The following DTNB variants were observed in gnomAD, a reference collection of about 807,000 sequenced individuals.
DTNB encodes dystrobrevin beta, also known as DTN-B.
DTNB carries 63 observed loss-of-function variants against 90.7 expected under a neutral mutation model. That is an observed-to-expected ratio of 0.69 (90% CI 0.57 to 0.86). The LOEUF is 0.86. DTNB is among the 40% of genes least tolerant of loss of function. The pLI, the probability that DTNB is intolerant of heterozygous loss-of-function variation, is 0.00. For missense variants in DTNB, 744 were observed against 807.1 expected (o/e 0.92, Z 0.95); for synonymous variants, 277 against 286.7 (o/e 0.97, Z 0.34).
chr2:25,635,689 T>TA (rs990060264), intron 3 of DTNB, among the ~76,000 whole-genome samples: 1 of 151,646 alleles, frequency 6.6e-6, no homozygotes, highest in Non-Finnish European at 1.5e-5. Context: ...AAGAAATGAA[T>TA]AAAAAAAACA....
chr2:25,566,018 G>T (rs2058971212), intron 8 of DTNB, among the ~76,000 whole-genome samples: 3 of 152,072 alleles, frequency 2.0e-5, no homozygotes, highest in Admixed American at 1.3e-4. Context: ...TCATTCCTTC[G>T]ATTACATTAT....
rs1265446881 is a variant in DTNB, at chr2:25,577,023, A to G, written c.710-19T>C. The G allele has an allele frequency of 7.0e-6, 11 of 1,578,946 alleles. No individual in the cohort carries two copies. In the Admixed American group the frequency reaches 1.8e-4, roughly 26 times the overall value. On this transcript the variant is annotated intron_variant, in intron 7 of 20. Transcript: ENST00000406818. ...TGGAAGACTTGTGGACAGGAGAGAAAAGGGGAGAAAAAAGGGCAGGAGGGA... is the reference window on the plus strand; with the variant it reads ...TGGAAGACTTGTGGACAGGAGAGAAGAGGGGAGAAAAAAGGGCAGGAGGGA...
intron 6 of DTNB, among the ~76,000 whole-genome samples, chr2:25,588,181 CTCCTT>C (rs2062817429): frequency 6.6e-6 from 1 of 151,262 alleles, no homozygotes. Context: ...TCTATAAAGC[CTCCTT>C]AAAAAAAAAA....
chr2:25,649,971 A>G (rs1228506808), intron 2 of DTNB: 2 of 971,606 alleles, frequency 2.1e-6, no homozygotes, highest in Admixed American at 6.1e-5. Flanking sequence ...ATAGTCACCC[A>G]TGCAATTCTT....
intron 6 of DTNB, among the ~76,000 whole-genome samples, chr2:25,585,279 T>A (rs1159860425): frequency 6.6e-6 from 1 of 152,238 alleles, no homozygotes; most frequent in Non-Finnish European, 1.5e-5. Context: ...AACGTTCTAT[T>A]AAACATCTTG....
chr2:25,579,153 A>G (rs1017497735), intron 7 of DTNB, among the ~76,000 whole-genome samples: 4 of 152,202 alleles, frequency 2.6e-5, no homozygotes, highest in African/African-American at 9.6e-5. Context: ...GCAAATACAA[A>G]ATGATCTTAT....
intron 8 of DTNB, 84 bp from the exon 9 acceptor site, chr2:25,531,681 G>A (rs1388406218): frequency 6.6e-7 from 1 of 1,510,066 alleles, no homozygotes; most frequent in Non-Finnish European, 8.8e-7. Context: ...TTTGTGACAA[G>A]AGTGTAAAAA....
At chr2:25,438,008 A>G (rs76192406) in intron 12 of DTNB, among the ~76,000 whole-genome samples, 14 of 152,208 alleles carry the variant, frequency 9.2e-5, no homozygotes, top group Admixed American at 9.2e-4. Context: ...TGAGGTGGTG[A>G]TGAAAGGGCT....
chr2:25,386,963 G>A (rs540976691), intron 18 of DTNB, among the ~76,000 whole-genome samples: 14 of 152,272 alleles, frequency 9.2e-5, no homozygotes, highest in South Asian at 4.1e-4. Flanking sequence ...GGGAGAGAGC[G>A]GCTGTGGACA....
intron 3 of DTNB, among the ~76,000 whole-genome samples, chr2:25,629,350 C>CAA (rs1402504923): frequency 6.6e-6 from 1 of 152,114 alleles, no homozygotes; most frequent in East Asian, 1.9e-4. Context: ...CACAACTATT[C>CAA]AAAAGAAGGC....
intron 9 of DTNB, among the ~76,000 whole-genome samples, chr2:25,499,637 G>A (rs2069968126): frequency 6.6e-6 from 1 of 152,072 alleles, no homozygotes; most frequent in Non-Finnish European, 1.5e-5. Context: ...TTCTCTCATA[G>A]TATCCTCTTC....
chr2:25,541,458 G>C (rs895294551), intron 8 of DTNB, among the ~76,000 whole-genome samples: 2 of 151,950 alleles, frequency 1.3e-5, no homozygotes, highest in Non-Finnish European at 2.9e-5. Flanking sequence ...CTCCAGCCTG[G>C]GTGACGGCAA....
At chr2:25,613,515 T>C (rs1459734027) in intron 4 of DTNB, among the ~76,000 whole-genome samples, 1 of 152,198 alleles carries the variant, frequency 6.6e-6, no homozygotes, top group Non-Finnish European at 1.5e-5. Flanking sequence ...TTTCTGTTCC[T>C]GCATTAATTT....
At chr2:25,618,956 C>T (rs904904747) in intron 4 of DTNB, among the ~76,000 whole-genome samples, 6 of 152,326 alleles carry the variant, frequency 3.9e-5, no homozygotes, top group East Asian at 3.9e-4. Context: ...TGAATAAACG[C>T]TGTTATGTTT....
At chr2:25,576,133 G>A (rs1162437843) in intron 8 of DTNB, among the ~76,000 whole-genome samples, 1 of 151,728 alleles carries the variant, frequency 6.6e-6, no homozygotes, top group East Asian at 1.9e-4. Context: ...ATAAAAGTGA[G>A]GAAATTTTGC....
At chr2:25,422,395 C>CTTTTTTTTTT (rs146697158) in intron 15 of DTNB, among the ~76,000 whole-genome samples, 50 of 82,946 alleles carry the variant, frequency 6.0e-4, no homozygotes, top group East Asian at 7.1e-4. Flanking sequence ...CTTTTCTCTT[C>CTTTTTTTTTT]TTTTTTTTTT....
chr2:25,414,509 C>T lies in DTNB; in HGVS notation c.1575+5006G>A, dbSNP rs78836997. Among the ~76,000 whole-genome samples the T allele has an allele frequency of 4.4e-4, 67 of 152,272 alleles. No individual in the cohort carries two copies. In the East Asian group the frequency reaches 0.012, roughly 28 times the overall value. On this transcript the variant is annotated intron_variant, in intron 16 of 20. Transcript: ENST00000406818. The stretch of plus-strand genomic sequence containing the variant: ...GACCTCGTGATTCACCTGCCTTGGC[C>T]TCCCAAAGTGCTGGGATTACAGGCA...
At chr2:25,546,835 C>T (rs2082526687) in intron 8 of DTNB, among the ~76,000 whole-genome samples, 1 of 151,748 alleles carries the variant, frequency 6.6e-6, no homozygotes, top group Admixed American at 6.6e-5. Flanking sequence ...TAGGATAGAT[C>T]TTCTATTCTT....
intron 1 of DTNB, among the ~76,000 whole-genome samples, chr2:25,664,930 G>A (rs1356518525): frequency 6.6e-6 from 1 of 152,168 alleles, no homozygotes; most frequent in African/African-American, 2.4e-5. Flanking sequence ...AAGAACACAG[G>A]TCCCAAAACT....
Sources: gnomAD v4.1 joint callset for allele counts (sites outside exome capture counted in the v4.1 genomes callset) on GRCh38, gnomAD v4.1.1 for gene constraint, MANE v1.5 for transcripts, NCBI Gene and HGNC (gene_info 2026-07-23, HGNC 2026-07-21) for gene names.